The following RALGPS2 variants were observed in gnomAD, a reference collection of about 807,000 sequenced individuals.
RALGPS2 encodes ras-specific guanine nucleotide-releasing factor RalGPS2.
Under a neutral mutation model 86.8 loss-of-function variants are expected in RALGPS2, and 43 were observed. The observed-to-expected ratio is 0.50, with a 90% CI of 0.39 to 0.64. RALGPS2 has a LOEUF of 0.64. Ranked by LOEUF, RALGPS2 falls within the 30% of genes least tolerant of loss-of-function variation. The pLI, the probability that RALGPS2 is intolerant of heterozygous loss-of-function variation, is 0.00. For synonymous variants in RALGPS2, 243 were observed against 231.3 expected (o/e 1.05, Z -0.46); for missense variants, 536 against 694.6 (o/e 0.77, Z 2.57).
chr1:178,834,188 C>G (rs1005364025), intron 8 of RALGPS2, among the ~76,000 whole-genome samples: 11 of 152,004 alleles, frequency 7.2e-5, no homozygotes, highest in Admixed American at 1.3e-4. Flanking sequence ...ATAAGTTGTT[C>G]TTTTAAATAG....
At position 178,897,729 on chromosome 1, in the gene RALGPS2, A is replaced by G; in HGVS notation, c.1497A>G (p.Lys499=). ...CACAGCTTTTTTACTATGCTGCCAA[A>G]TCTCTAAAGGCTACCGAAAGAAAAC... ...CGTQLFYYAA[K]SLKATERKHF... The change falls in exon 17 of 20, where the codon AAA becomes AAG. Residue 499 remains lysine, a synonymous_variant. Coordinates refer to ENST00000367635, the MANE Select transcript of RALGPS2 (RefSeq NM_152663.5). 1 of 1,612,364 alleles carries G rather than the reference A, an allele frequency of 6.2e-7. No homozygotes were observed. Among genetic ancestry groups the G allele is most frequent in the Non-Finnish European group, 8.5e-7 (1 of 1,178,904 alleles).
intron 4 of RALGPS2, among the ~76,000 whole-genome samples, chr1:178,787,152 GA>G (rs879494543): frequency 8.1e-5 from 12 of 148,362 alleles, no homozygotes; most frequent in Non-Finnish European, 1.3e-4. Context: ...TCTCCTCCCT[GA>G]AAAAAAAAAT....
intron 8 of RALGPS2, chr1:178,851,361 G>A (rs372330295): frequency 7.2e-6 from 11 of 1,524,758 alleles, no homozygotes; most frequent in Non-Finnish European, 8.8e-6. Context: ...TTTCTTCTAG[G>A]TGTGGTACTC....
At chr1:178,804,340 A>G (rs1431654579) in intron 4 of RALGPS2, among the ~76,000 whole-genome samples, 1 of 144,242 alleles carries the variant, frequency 6.9e-6, no homozygotes, top group Non-Finnish European at 1.5e-5. Flanking sequence ...GGTTAGTTAC[A>G]TATGTATACA....
At chr1:178,828,609 G>A (rs1006821192) in intron 7 of RALGPS2, among the ~76,000 whole-genome samples, 7 of 152,156 alleles carry the variant, frequency 4.6e-5, no homozygotes, top group African/African-American at 1.4e-4. Context: ...AATGGGCAAA[G>A]GATCTGAATA....
chr1:178,782,630 G>T (rs1423726083), intron 2 of RALGPS2, among the ~76,000 whole-genome samples: 1 of 151,636 alleles, frequency 6.6e-6, no homozygotes, highest in East Asian at 1.9e-4. Context: ...AGGACTATAG[G>T]GCACTCCCCC....
intron 2 of RALGPS2, among the ~76,000 whole-genome samples, chr1:178,783,279 T>G (rs1653483789): frequency 6.6e-6 from 1 of 151,528 alleles, no homozygotes; most frequent in African/African-American, 2.4e-5. Flanking sequence ...AAAGAATCAG[T>G]GAACTGGAAG....
chr1:178,776,755 T>A lies in RALGPS2; in HGVS notation c.-10T>A. The stretch of plus-strand genomic sequence containing the variant: ...CTGTTAACATAAGGTCAGGGACTGA[T>A]GAGGAAAGCATGGACCTAATGAACG... On this transcript the variant is annotated 5_prime_UTR_variant, in exon 2 of 20. The change abolishes an upstream ATG in the 5' untranslated region. Coordinates refer to ENST00000367635, the MANE Select transcript of RALGPS2 (RefSeq NM_152663.5). 6.2e-7 allele frequency: 1 copy of A among 1,610,884 alleles called. No homozygotes were observed. Among genetic ancestry groups the A allele is most frequent in the Non-Finnish European group, 8.5e-7 (1 of 1,177,896 alleles).
chr1:178,758,451 C>G (rs1652060828), intron 1 of RALGPS2, among the ~76,000 whole-genome samples: 1 of 152,132 alleles, frequency 6.6e-6, no homozygotes, highest in Admixed American at 6.5e-5. Context: ...TTATTATTGA[C>G]TATAGTCACC....
In RALGPS2 at chr1:178,906,823, T is replaced by C. The variant is rs1364349066; in HGVS notation, c.1678T>C (p.Trp560Arg). 1 of 1,612,412 alleles carries C rather than the reference T, an allele frequency of 6.2e-7. No individual in the cohort carries two copies. The highest frequency in any genetic ancestry group is 8.5e-7 in the Non-Finnish European group (1 of 1,179,546). ...TGGCAATAGAATGAATGCAATGTTA[T>C]GGTTTAAGCATTTGAGTGCAGCCTG... ...QAGNRMNAML[W>R]FKHLSAACQS... Residue 560 changes from tryptophan to arginine, a missense_variant, in exon 19 of 20, where the codon TGG (tryptophan) becomes CGG (arginine). By Grantham distance (101) the Trp-to-Arg change is moderately radical (BLOSUM62 -3). Transcript: ENST00000367635.
At chr1:178,763,411 T>C (rs1572299324) in intron 1 of RALGPS2, among the ~76,000 whole-genome samples, 2 of 152,252 alleles carry the variant, frequency 1.3e-5, no homozygotes, top group East Asian at 3.8e-4. Context: ...AGGAATACCA[T>C]TGAATCTTTA....
intron 4 of RALGPS2, among the ~76,000 whole-genome samples, chr1:178,790,127 A>AT (rs1413184846): frequency 6.6e-6 from 1 of 151,592 alleles, no homozygotes; most frequent in African/African-American, 2.4e-5. Context: ...TTTTTATTTT[A>AT]TTTTTTTAGA....
At chr1:178,867,214 T>A (rs927951577) in intron 8 of RALGPS2, among the ~76,000 whole-genome samples, 1 of 152,176 alleles carries the variant, frequency 6.6e-6, no homozygotes, top group Non-Finnish European at 1.5e-5. Context: ...GGCACTGTTT[T>A]AAGCCATTTT....
intron 1 of RALGPS2, among the ~76,000 whole-genome samples, chr1:178,745,332 AAAG>A (rs1419920363): frequency 1.3e-5 from 2 of 152,352 alleles, no homozygotes; most frequent in African/African-American, 2.4e-5. Context: ...AGCTTTGTAA[AAAG>A]AAGAACAAAG....
At chr1:178,839,532 C>A (rs957475609) in intron 8 of RALGPS2, among the ~76,000 whole-genome samples, 3 of 152,002 alleles carry the variant, frequency 2.0e-5, no homozygotes, top group Admixed American at 1.3e-4. Context: ...TGGAAAGGAA[C>A]AACTGGTACC....
At chr1:178,898,644 A>G (rs893130974) in intron 17 of RALGPS2, among the ~76,000 whole-genome samples, 3 of 151,908 alleles carry the variant, frequency 2.0e-5, no homozygotes, top group Admixed American at 1.3e-4. Flanking sequence ...TTTTCTTCAT[A>G]GTGTTAGCAT....
chr1:178,900,571 G>C (rs532061414), intron 17 of RALGPS2, among the ~76,000 whole-genome samples: 3 of 151,840 alleles, frequency 2.0e-5, no homozygotes, highest in Non-Finnish European at 4.4e-5. Flanking sequence ...TTTTGAACAA[G>C]TGCACAAAGA....
At chr1:178,747,534 T>G in intron 1 of RALGPS2, 1 of 1,612,116 alleles carries the variant, frequency 6.2e-7, no homozygotes, top group Non-Finnish European at 8.5e-7. Flanking sequence ...GCTTTGGTCT[T>G]CTGCTGCCAA....
intron 4 of RALGPS2, 95 bp from the exon 5 acceptor site, chr1:178,807,950 A>G: frequency 1.3e-6 from 1 of 795,222 alleles, no homozygotes; most frequent in Non-Finnish European, 2.2e-6. Context: ...GATTCTAGAA[A>G]AGAACACAAA....
Sources: allele counts gnomAD v4.1 joint callset (sites outside exome capture counted in the v4.1 genomes callset), GRCh38; gene constraint gnomAD v4.1.1; transcripts MANE v1.5; gene names NCBI Gene and HGNC (gene_info 2026-07-23, HGNC 2026-07-21).